Variants in ATP2B2 observed in about 807,000 individuals in gnomAD.
The protein encoded by ATP2B2 is plasma membrane calcium-transporting ATPase 2.
A neutral mutation model predicts 120.0 loss-of-function variants in ATP2B2; 15 were observed. The observed-to-expected ratio is 0.12, with a 90% CI of 0.08 to 0.19. The LOEUF (loss-of-function observed/expected upper bound fraction) is 0.19. ATP2B2 is among the 10% of genes least tolerant of loss of function. The pLI, the probability that ATP2B2 is intolerant of heterozygous loss-of-function variation, is 1.00. For synonymous variants in ATP2B2, 694 were observed against 700.3 expected, an observed-to-expected ratio of 0.99 and a Z score of 0.14; for missense variants, 1,045 against 1,719.8, an observed-to-expected ratio of 0.61 and a Z score of 6.94.
chr3:10,621,134 A>AC (rs562405023), intron 1 of ATP2B2, among the ~76,000 whole-genome samples: 1 of 151,782 alleles, frequency 6.6e-6, no homozygotes, highest in Non-Finnish European at 1.5e-5. Flanking sequence ...CACCCTTGCT[A>AC]CCCTCACCTT....
In ATP2B2 at chr3:10,343,192, C is replaced by T. The variant is rs971243197; in HGVS notation, c.2704-227G>A. On this transcript the variant is annotated intron_variant, in intron 18 of 22. Transcript: ENST00000360273. The surrounding 1 kb of genome is among the most constrained non-coding windows in gnomAD (Gnocchi z 4.2). Reference sequence around the variant, plus strand: ...CCCTGCCAGGAGATAAGTGAGTCCCCCCAGGCCCAATGGCCACCAGCTCCC... The same window carrying T: ...CCCTGCCAGGAGATAAGTGAGTCCCTCCAGGCCCAATGGCCACCAGCTCCC... Among the ~76,000 whole-genome samples the T allele has an allele frequency of 2.6e-5, 4 of 152,178 alleles. No individual in the cohort carries two copies. The highest frequency in any genetic ancestry group is 5.9e-5 in the Non-Finnish European group (4 of 68,022).
At chr3:10,708,061 C>A (rs1341122099), upstream of ATP2B2, 1 of 142,234 alleles carries the variant, frequency 7.0e-6, no homozygotes, top group African/African-American at 2.6e-5. Flanking sequence ...GCCCCGCCGC[C>A]GCCCGCCCGC....
intron 12 of ATP2B2, among the ~76,000 whole-genome samples, chr3:10,364,590 A>G (rs1402273314): frequency 1.3e-5 from 2 of 151,976 alleles, no homozygotes; most frequent in East Asian, 3.9e-4. Context: ...AGGCCCCTGT[A>G]ATCCCAGTTA....
At chr3:10,368,213 C>T (rs78227288) in intron 12 of ATP2B2, among the ~76,000 whole-genome samples, 10,023 of 151,694 alleles carry the variant, frequency 0.066, 551 homozygotes, top group East Asian at 0.29. Context: ...AAGACATCGG[C>T]TAATTGGGAG....
intron 1 of ATP2B2, among the ~76,000 whole-genome samples, chr3:10,486,319 G>A (rs1225429156): frequency 6.4e-5 from 2 of 31,032 alleles, no homozygotes; most frequent in Non-Finnish European, 1.0e-4. Flanking sequence ...AGGTGTGTGT[G>A]CGTGCGTGTG....
At chr3:10,469,545 C>G (rs938132491) in intron 1 of ATP2B2, among the ~76,000 whole-genome samples, 2 of 152,200 alleles carry the variant, frequency 1.3e-5, no homozygotes, top group Non-Finnish European at 2.9e-5. Context: ...CAGCGTCAGG[C>G]CCCCTGAGGG....
chr3:10,629,209 T>TG (rs1168823259), intron 1 of ATP2B2, among the ~76,000 whole-genome samples: 1 of 152,176 alleles, frequency 6.6e-6, no homozygotes, highest in East Asian at 1.9e-4. Context: ...CCCCTGCTTA[T>TG]GGGACGAGCT....
intron 1 of ATP2B2, among the ~76,000 whole-genome samples, chr3:10,639,377 G>A (rs902892401): frequency 6.6e-5 from 10 of 152,146 alleles, no homozygotes; most frequent in African/African-American, 2.4e-4. Context: ...AGTTCTTAAG[G>A]CTGAGAAGTC....
intron 1 of ATP2B2, among the ~76,000 whole-genome samples, chr3:10,466,656 C>T (rs1045840844): frequency 2.6e-5 from 4 of 152,170 alleles, no homozygotes; most frequent in African/African-American, 9.7e-5. Flanking sequence ...CCCCTGAACC[C>T]CCAAACCATG....
At chr3:10,656,685 G>A (rs1278843811) in intron 1 of ATP2B2, among the ~76,000 whole-genome samples, 1 of 152,236 alleles carries the variant, frequency 6.6e-6, no homozygotes. Context: ...GTGGAGAGAT[G>A]CAAAATGGAC....
chr3:10,360,713 T>G (rs2060872937), intron 12 of ATP2B2, among the ~76,000 whole-genome samples: 1 of 152,182 alleles, frequency 6.6e-6, no homozygotes, highest in Non-Finnish European at 1.5e-5. Flanking sequence ...GTACCACAAC[T>G]GAGATGGAGA....
intron 2 of ATP2B2, among the ~76,000 whole-genome samples, chr3:10,602,075 G>A (rs905975266): frequency 6.6e-6 from 1 of 152,212 alleles, no homozygotes; most frequent in Non-Finnish European, 1.5e-5. Flanking sequence ...AGGCTCCAGC[G>A]GCTCTCCTGG....
chr3:10,497,645 A>G (rs2066207928), intron 1 of ATP2B2, among the ~76,000 whole-genome samples: 1 of 152,220 alleles, frequency 6.6e-6, no homozygotes, highest in African/African-American at 2.4e-5. Flanking sequence ...AAATTAAGAA[A>G]CTTGTGCTGG....
At chr3:10,662,398 A>C (rs543851117) in intron 1 of ATP2B2, among the ~76,000 whole-genome samples, 23 of 145,970 alleles carry the variant, frequency 1.6e-4, no homozygotes, top group African/African-American at 5.8e-4. Context: ...TTTACAAGAA[A>C]AAAACAAACA....
chr3:10,397,806 A>G (rs2062089307), intron 5 of ATP2B2, among the ~76,000 whole-genome samples: 1 of 152,156 alleles, frequency 6.6e-6, no homozygotes, highest in Non-Finnish European at 1.5e-5. Flanking sequence ...GCCTGTCTAC[A>G]TCCTGCTCAT....
chr3:10,614,206 C>T (rs1433313419), intron 2 of ATP2B2, among the ~76,000 whole-genome samples: 2 of 152,114 alleles, frequency 1.3e-5, no homozygotes, highest in East Asian at 1.9e-4. Context: ...GCAGGAACCA[C>T]GTCTACTTTG....
intron 7 of ATP2B2, among the ~76,000 whole-genome samples, chr3:10,386,241 C>A (rs1029409429): frequency 1.3e-5 from 2 of 151,898 alleles, no homozygotes; most frequent in Non-Finnish European, 2.9e-5. Flanking sequence ...GGGGGTGGTA[C>A]CACTTGGCAT....
intron 1 of ATP2B2, among the ~76,000 whole-genome samples, chr3:10,691,320 G>C (rs1158815582): frequency 6.6e-6 from 1 of 152,216 alleles, no homozygotes; most frequent in Admixed American, 6.5e-5. Context: ...TGTGCCATGA[G>C]TACGATGAGG....
At chr3:10,432,557 C>A (rs1403116127) in intron 2 of ATP2B2, among the ~76,000 whole-genome samples, 2 of 152,250 alleles carry the variant, frequency 1.3e-5, no homozygotes, top group African/African-American at 4.8e-5. Flanking sequence ...TATTCTAAAC[C>A]CCAGCGCTCA....
Sources: allele counts gnomAD v4.1 joint callset (sites outside exome capture counted in the v4.1 genomes callset), GRCh38; gene constraint gnomAD v4.1.1; non-coding constraint Gnocchi (gnomAD v3.1); transcripts MANE v1.5; gene names NCBI Gene and HGNC (gene_info 2026-07-23, HGNC 2026-07-21).